CCAR2: variants seen among roughly 807,000 people sequenced by gnomAD.
The protein encoded by CCAR2 is cell cycle and apoptosis regulator 2.
Under a neutral mutation model 108.1 loss-of-function variants are expected in CCAR2, and 21 were observed. The ratio of observed to expected loss-of-function variants is 0.19; its 90% CI spans 0.14 to 0.28. CCAR2 has a LOEUF of 0.28. Among genes scored for constraint, CCAR2 ranks in the 10% least tolerant of loss-of-function variants. The probability of loss-of-function intolerance (pLI) is 1.00; values close to 1 mark genes in which losing one functional copy is unlikely to be tolerated. For synonymous variants in CCAR2, 577 were observed against 472.8 expected (o/e 1.22, Z -2.86); for missense variants, 1,126 against 1,177.0 (o/e 0.96, Z 0.63).
At chr8:22,621,164 A>G (rs1401178692), downstream of CCAR2, 7 of 494,790 alleles carry the variant, frequency 1.4e-5, no homozygotes, top group African/African-American at 1.2e-4. Context: ...GCCAGGATGC[A>G]TGCTGGACGG....
Position 22,617,584 on chromosome 8 carries a change from G to T in CCAR2, c.1990+20G>T. The T allele has an allele frequency of 2.5e-6, 4 of 1,605,522 alleles. No individual in the cohort carries two copies. The highest frequency in any genetic ancestry group is 8.5e-7 in the Non-Finnish European group (1 of 1,175,030). ...AGTTTGGTATGTTGAGTGGTGAGAGGGGAGCTTGCAGGCTTGGGATGTGGC... is the reference window on the plus strand; with the variant it reads ...AGTTTGGTATGTTGAGTGGTGAGAGTGGAGCTTGCAGGCTTGGGATGTGGC... On this transcript the variant is annotated intron_variant, in intron 15 of 20. Coordinates refer to ENST00000308511, the MANE Select transcript of CCAR2 (RefSeq NM_001393997.1).
chr8:22,605,653 C>T (rs1397980831), intron 1 of CCAR2, 83 bp from the exon 2 acceptor site: 4 of 787,116 alleles, frequency 5.1e-6, no homozygotes, highest in Non-Finnish European at 6.4e-6. Flanking sequence ...TCCGAAATAT[C>T]CTTACTTAAG....
intron 7 of CCAR2, among the ~76,000 whole-genome samples, chr8:22,610,119 C>A (rs183549786): frequency 6.6e-6 from 1 of 152,156 alleles, no homozygotes; most frequent in Non-Finnish European, 1.5e-5. Context: ...GGATACTCAA[C>A]CTATACTACC....
intron 16 of CCAR2, 126 bp downstream of exon 16, chr8:22,617,904 G>T: frequency 1.0e-6 from 1 of 974,632 alleles, no homozygotes; most frequent in South Asian, 1.5e-5. Context: ...CACACAGTGT[G>T]GTCCTTGGCT....
intron 14 of CCAR2, 53 bp downstream of exon 14, chr8:22,616,301 T>C: frequency 6.5e-7 from 1 of 1,534,332 alleles, no homozygotes; most frequent in Non-Finnish European, 9.0e-7. Context: ...ACCGCGCACC[T>C]TTACCCCGGG....
chr8:22,608,366 G>A (rs907276465), intron 7 of CCAR2, among the ~76,000 whole-genome samples: 4 of 152,160 alleles, frequency 2.6e-5, no homozygotes, highest in Non-Finnish European at 5.9e-5. Context: ...ATACTCTTCT[G>A]TTTCTAGTCC....
At chr8:22,618,583 G>C in intron 17 of CCAR2, 34 bp from the exon 18 acceptor site, 1 of 1,613,760 alleles carries the variant, frequency 6.2e-7, no homozygotes, top group Non-Finnish European at 8.5e-7. Context: ...GGTCGGGGAC[G>C]GGGCCTTCTG....
Position 22,614,969 on chromosome 8 carries a change from G to A in CCAR2, c.1173G>A (p.Gln391=). 1 of 1,600,414 alleles carries A rather than the reference G, an allele frequency of 6.2e-7. No homozygotes were observed. The highest frequency in any genetic ancestry group is 2.3e-5 in the East Asian group (1 of 44,338). ...CCGCCATCCGCTGTGCGCAGGCCCA[G>A]ACTGGCATTGATTTGAGCGGCTGTA... ...VRTAIRCAQA[Q]TGIDLSGCTK... Residue 391 remains glutamine (Q), a synonymous_variant, in exon 11 of 21, where the codon CAG becomes CAA. Transcript: ENST00000308511.
chr8:22,606,547 AGAGTGT>A, intron 3 of CCAR2, 54 bp from the exon 4 acceptor site: 1 of 1,351,294 alleles, frequency 7.4e-7, no homozygotes, highest in South Asian at 1.2e-5. Context: ...CCTTCATGGC[AGAGTGT>A]GATTTTGTCC....
chr8:22,608,125 A>C, intron 7 of CCAR2, 60 bp downstream of exon 7: 1 of 1,359,956 alleles, frequency 7.4e-7, no homozygotes, highest in South Asian at 1.3e-5. Flanking sequence ...TCTTTATTTT[A>C]TTATTATTTT....
Position 22,614,406 on chromosome 8 carries a change from C to G in CCAR2, c.944C>G (p.Ser315Cys). The change falls in exon 10 of 21, where the codon TCC becomes TGC. Residue 315 changes from serine (S) to cysteine (C), a missense_variant. Ser to Cys is a moderately radical substitution (Grantham distance 112, BLOSUM62 -1). Transcript: ENST00000308511. ...AYSSKVLLLS[S>C]PGLEELYRCC... ...CCTGCACAGGTACTGCTGCTCTCTTCCCCGGGGTTGGAGGAATTGTATCGT... is the reference window on the plus strand; with the variant it reads ...CCTGCACAGGTACTGCTGCTCTCTTGCCCGGGGTTGGAGGAATTGTATCGT... 6.2e-7 allele frequency: 1 copy of G among 1,614,160 alleles called. No homozygotes were observed. The highest frequency in any genetic ancestry group is 8.5e-7 in the Non-Finnish European group (1 of 1,180,018).
At chr8:22,618,582 C>T (rs79080458) in intron 17 of CCAR2, 35 bp from the exon 18 acceptor site, 44,327 of 1,613,900 alleles carry the variant, frequency 0.027, 723 homozygotes, top group Non-Finnish European at 0.031. Flanking sequence ...GGGTCGGGGA[C>T]GGGGCCTTCT....
chr8:22,607,245 G>GC lies in CCAR2; in HGVS notation c.409dup (p.Gln137ProfsTer60). 6.2e-7 allele frequency: 1 copy of GC among 1,614,004 alleles called. No individual in the cohort carries two copies. The highest frequency in any genetic ancestry group is 8.5e-7 in the Non-Finnish European group (1 of 1,180,010). On this transcript the variant is annotated frameshift_variant, in exon 6 of 21. Coordinates refer to ENST00000308511, the MANE Select transcript of CCAR2 (RefSeq NM_001393997.1). LOFTEE classifies it high-confidence loss of function. Reference sequence around the variant, plus strand: ...CCTCTTCTGCATGTAGCAGCCCTGGGCCAGAAGCAAGGGATCCTGGGAGCT... The same window carrying GC: ...CCTCTTCTGCATGTAGCAGCCCTGGGCCCAGAAGCAAGGGATCCTGGGAGCT...
In CCAR2 at chr8:22,619,341, C is replaced by T. The variant is rs1005573739; in HGVS notation, c.2713C>T (p.Arg905Trp). Reference sequence around the variant, plus strand: ...GACCCCCCTGCAGCTGGAGATCCAGCGGGTGGTGGAAAAGGTAAGGTGGGG... The same window carrying T: ...GACCCCCCTGCAGCTGGAGATCCAGTGGGTGGTGGAAAAGGTAAGGTGGGG... ...RLTPLQLEIQ[R>W]VVEKADSWVE... The change falls in exon 20 of 21, where the codon CGG becomes TGG. Residue 905 changes from arginine to tryptophan, a missense_variant. Around this residue, in one of 4 missense-constraint regions of CCAR2, gnomAD observed 1,013 missense variants for 993.9 expected, o/e 1.02. Coordinates refer to ENST00000308511, the MANE Select transcript of CCAR2 (RefSeq NM_001393997.1). 12 of 1,559,584 alleles carry T rather than the reference C, an allele frequency of 7.7e-6. No individual in the cohort carries two copies. Among genetic ancestry groups the T allele is most frequent in the Admixed American group, 3.8e-5 (2 of 52,092 alleles).
downstream of CCAR2, chr8:22,620,785 C>T (rs745423143): frequency 6.6e-6 from 1 of 152,284 alleles, no homozygotes; most frequent in Non-Finnish European, 1.5e-5. Context: ...CCCACTGTTC[C>T]TGCTTTGAGA....
intron 16 of CCAR2, 94 bp from the exon 17 acceptor site, chr8:22,618,255 C>T: frequency 6.5e-7 from 1 of 1,544,956 alleles, no homozygotes; most frequent in Non-Finnish European, 8.9e-7. Context: ...TGCATGTGGC[C>T]CAAGCCACTG....
At chr8:22,612,225 G>GCTCA (rs1385871939) in intron 7 of CCAR2, among the ~76,000 whole-genome samples, 1 of 152,070 alleles carries the variant, frequency 6.6e-6, no homozygotes, top group Non-Finnish European at 1.5e-5. Context: ...GGGATAACAG[G>GCTCA]CGTGAGCCAC....
chr8:22,615,264 C>A, intron 11 of CCAR2, 161 bp from the exon 12 acceptor site: 1 of 982,548 alleles, frequency 1.0e-6, no homozygotes, highest in Non-Finnish European at 1.5e-6. Flanking sequence ...CTGATCATTT[C>A]TTGAGGACTT....
Position 22,619,652 on chromosome 8 carries a change from G to A in CCAR2, c.2742G>A (p.Val914=), listed in dbSNP as rs865826443. ...QRVVEKADSW[V]EKEEPAPSN ...GTTTCAAACAGGCTGACAGCTGGGT[G>A]GAGAAGGAGGAGCCGGCACCTAGCA... Residue 914 remains valine, a synonymous_variant, in exon 21 of 21, where the codon GTG becomes GTA. Transcript: ENST00000308511. 22 of 1,574,912 alleles carry A rather than the reference G, an allele frequency of 1.4e-5. No individual in the cohort carries two copies. Among genetic ancestry groups the A allele is most frequent in the Non-Finnish European group, 1.8e-5 (21 of 1,159,696 alleles).
Sources: gnomAD v4.1 joint callset for allele counts (sites outside exome capture counted in the v4.1 genomes callset) on GRCh38, gnomAD v4.1.1 for gene constraint, gnomAD v4.1.1 regional missense constraint, MANE v1.5 for transcripts, NCBI Gene and HGNC (gene_info 2026-07-23, HGNC 2026-07-21) for gene names.